Variants in ZMYND11 observed in about 807,000 individuals in gnomAD.
The protein encoded by ZMYND11 is zinc finger MYND domain-containing protein 11.
ZMYND11 carries 9 observed loss-of-function variants against 84.9 expected under a neutral mutation model. The observed-to-expected ratio is 0.11, with a 90% CI of 0.06 to 0.18. ZMYND11 has a LOEUF of 0.18. ZMYND11 is among the 10% of genes least tolerant of loss of function. The pLI, the probability that ZMYND11 is intolerant of heterozygous loss-of-function variation, is 1.00. For synonymous variants in ZMYND11, 250 were observed against 244.1 expected (o/e 1.02, Z -0.23); for missense variants, 409 against 761.0 (o/e 0.54, Z 5.44).
intron 12 of ZMYND11, 27 bp from the exon 13 acceptor site, chr10:248,309 C>T (rs762334961): frequency 8.7e-6 from 14 of 1,600,840 alleles, no homozygotes; most frequent in South Asian, 3.4e-5. Flanking sequence ...CTTCGTTTGG[C>T]GTCTAAACTC....
chr10:188,130 C>T (rs1939251627), intron 2 of ZMYND11, among the ~76,000 whole-genome samples: 1 of 152,146 alleles, frequency 6.6e-6, no homozygotes, highest in African/African-American at 2.4e-5. Flanking sequence ...TCATAATAAA[C>T]TTTTGAAAGT....
chr10:146,048 A>AT (rs1174573242), intron 1 of ZMYND11, among the ~76,000 whole-genome samples: 2 of 151,956 alleles, frequency 1.3e-5, no homozygotes, highest in Admixed American at 1.3e-4. Context: ...TCTTGAGTTG[A>AT]TTTTTGTATA....
At chr10:136,301 G>A (rs1240880332) in intron 1 of ZMYND11, among the ~76,000 whole-genome samples, 1 of 152,200 alleles carries the variant, frequency 6.6e-6, no homozygotes, top group Non-Finnish European at 1.5e-5. Flanking sequence ...CTCCCGAGCC[G>A]GGAGGAGGAG....
In ZMYND11 at chr10:198,986, C is replaced by A. The variant is rs534442951; in HGVS notation, c.117-10903C>A. 7.2e-4 allele frequency among the ~76,000 whole-genome samples: 109 copies of A among 152,252 alleles called. No homozygotes were observed. In the Middle Eastern group the frequency reaches 0.017, roughly 24 times the overall value. ...AAGCAGAGTCTTTCAGGATCACAAC[C>A]TAGTCCGTGGGTTCTTGCCAAGGCT... On this transcript the variant is annotated intron_variant, in intron 2 of 14. Coordinates refer to ENST00000381604, the MANE Select transcript of ZMYND11 (RefSeq NM_001370100.5).
chr10:190,433 G>T (rs894997030), intron 2 of ZMYND11, among the ~76,000 whole-genome samples: 1 of 152,104 alleles, frequency 6.6e-6, no homozygotes, highest in African/African-American at 2.4e-5. Flanking sequence ...CTGGGCTCTC[G>T]CAGGCCCTCA....
At chr10:210,195 T>A in intron 3 of ZMYND11, 147 bp downstream of exon 3, 3 of 835,116 alleles carry the variant, frequency 3.6e-6, no homozygotes, top group Non-Finnish European at 5.4e-6. Context: ...ATTGGTAGTA[T>A]GGATACTTTC....
At position 219,166 on chromosome 10, in the gene ZMYND11, ATT is replaced by A. The variant is rs551682707; in HGVS notation, c.277-2025_277-2024del. ...GAATTAAACACCCTATCAAAGATCC[ATT>A]TTTATCTTCATTTAATGGGTGGATG... On this transcript the variant is annotated intron_variant, in intron 3 of 14. Transcript: ENST00000381604. Among the ~76,000 whole-genome samples, 308 of 152,318 alleles carry A rather than the reference ATT, an allele frequency of 2.0e-3. 1 individual carries two copies. The highest frequency in any genetic ancestry group is 7.1e-3 in the African/African-American group (296 of 41,572).
chr10:248,137 C>T (rs1952557511), intron 12 of ZMYND11, among the ~76,000 whole-genome samples, 199 bp from the exon 13 acceptor site: 1 of 152,126 alleles, frequency 6.6e-6, no homozygotes, highest in Non-Finnish European at 1.5e-5. Context: ...TCTTTTCATT[C>T]ACTAATTGGG....
chr10:181,402 T>C (rs1847857281), intron 2 of ZMYND11, among the ~76,000 whole-genome samples: 1 of 152,238 alleles, frequency 6.6e-6, no homozygotes, highest in African/African-American at 2.4e-5. Flanking sequence ...GTGGATCGCC[T>C]GAGCTCAGGA....
intron 1 of ZMYND11, among the ~76,000 whole-genome samples, chr10:168,334 G>A (rs1256801072): frequency 3.3e-5 from 5 of 152,144 alleles, no homozygotes; most frequent in African/African-American, 1.2e-4. Flanking sequence ...AATATATAAT[G>A]CCAGGCATGG....
intron 2 of ZMYND11, among the ~76,000 whole-genome samples, chr10:190,731 C>G (rs901531181): frequency 6.6e-6 from 1 of 152,198 alleles, no homozygotes; most frequent in Non-Finnish European, 1.5e-5. Flanking sequence ...AGACTATTCT[C>G]AATTGCCTGA....
chr10:236,732 A>G (rs1950043006), intron 4 of ZMYND11, 106 bp from the exon 5 acceptor site: 2 of 949,760 alleles, frequency 2.1e-6, no homozygotes, highest in African/African-American at 3.4e-5. Flanking sequence ...CACTTTTAGT[A>G]AACTCTTTGC....
intron 4 of ZMYND11, among the ~76,000 whole-genome samples, chr10:229,894 C>T (rs1233591917): frequency 6.6e-6 from 1 of 152,080 alleles, no homozygotes; most frequent in Non-Finnish European, 1.5e-5. Context: ...GACGATATTA[C>T]AGAGTGTTTT....
At chr10:195,653 C>G (rs1941560729) in intron 2 of ZMYND11, among the ~76,000 whole-genome samples, 2 of 152,194 alleles carry the variant, frequency 1.3e-5, no homozygotes, top group South Asian at 4.2e-4. Context: ...GATAGGCATA[C>G]ATAGGGGCCA....
intron 11 of ZMYND11, 106 bp from the exon 12 acceptor site, chr10:247,292 G>A: frequency 7.9e-7 from 1 of 1,271,702 alleles, no homozygotes; most frequent in Non-Finnish European, 1.1e-6. Flanking sequence ...GGATGCAAAA[G>A]GTAGAAATGT....
intron 4 of ZMYND11, among the ~76,000 whole-genome samples, chr10:227,352 G>A (rs746893495): frequency 1.3e-5 from 2 of 152,144 alleles, no homozygotes; most frequent in Non-Finnish European, 2.9e-5. Context: ...ATGGACTCAG[G>A]AGTCTATAGA....
At chr10:237,513 G>C (rs1017876295) in intron 5 of ZMYND11, 72 bp from the exon 6 acceptor site, 93 of 906,232 alleles carry the variant, frequency 1.0e-4, no homozygotes, top group Non-Finnish European at 1.4e-4. Flanking sequence ...AAAATATTTT[G>C]AGCTTTAGGA....
At chr10:244,935 G>T (rs1951822918) in intron 10 of ZMYND11, among the ~76,000 whole-genome samples, 1 of 152,164 alleles carries the variant, frequency 6.6e-6, no homozygotes, top group Non-Finnish European at 1.5e-5. Flanking sequence ...GTTCATTCCA[G>T]GTAGTCAGCA....
At chr10:247,345 G>A in intron 11 of ZMYND11, 53 bp from the exon 12 acceptor site, 1 of 1,593,950 alleles carries the variant, frequency 6.3e-7, no homozygotes, top group South Asian at 1.1e-5. Flanking sequence ...GTTTTCAGCA[G>A]AGAAGTATTT....
Sources: allele counts gnomAD v4.1 joint callset (sites outside exome capture counted in the v4.1 genomes callset), GRCh38; gene constraint gnomAD v4.1.1; transcripts MANE v1.5; gene names NCBI Gene and HGNC (gene_info 2026-07-23, HGNC 2026-07-21).